Variants in MIPOL1 observed in about 807,000 individuals in gnomAD.
The protein encoded by MIPOL1 is mirror-image polydactyly 1.
A neutral mutation model predicts 60.9 loss-of-function variants in MIPOL1; 57 were observed. The observed-to-expected ratio is 0.94, with a 90% CI of 0.76 to 1.17. The LOEUF (loss-of-function observed/expected upper bound fraction) is 1.17. Among genes scored for constraint, MIPOL1 ranks in the 50% most tolerant of loss-of-function variants. The pLI is 0.00. For missense variants in MIPOL1, 551 were observed against 511.6 expected, an observed-to-expected ratio of 1.08 and a Z score of -0.74; for synonymous variants, 179 against 168.8, an observed-to-expected ratio of 1.06 and a Z score of -0.47.
chr14:37,333,659 C>G (rs2089903319), intron 9 of MIPOL1, among the ~76,000 whole-genome samples: 1 of 152,126 alleles, frequency 6.6e-6, no homozygotes, highest in East Asian at 1.9e-4. Flanking sequence ...TAAAGAGGGA[C>G]ATATCACCAG....
intron 11 of MIPOL1, among the ~76,000 whole-genome samples, chr14:37,434,922 G>A (rs370240669): frequency 6.7e-5 from 10 of 149,872 alleles, no homozygotes; most frequent in Admixed American, 3.3e-4. Context: ...TCTCATTACC[G>A]TAGCCTAGCC....
chr14:37,486,838 C>T (rs1467382765), intron 11 of MIPOL1, among the ~76,000 whole-genome samples: 1 of 152,100 alleles, frequency 6.6e-6, no homozygotes, highest in Non-Finnish European at 1.5e-5. Flanking sequence ...CCTGATTGTC[C>T]TGGCTAGAAC....
chr14:37,545,525 G>C (rs556724367), intron 12 of MIPOL1: 2 of 481,604 alleles, frequency 4.2e-6, no homozygotes, highest in Admixed American at 4.1e-5. Context: ...TTTATGTATA[G>C]TTTGCATTTT....
intron 9 of MIPOL1, among the ~76,000 whole-genome samples, chr14:37,332,974 ATACT>A: frequency 6.6e-6 from 1 of 152,164 alleles, no homozygotes; most frequent in Admixed American, 6.5e-5. Context: ...GATACTTGCA[ATACT>A]TTAGCTCACT....
intron 10 of MIPOL1, among the ~76,000 whole-genome samples, chr14:37,386,551 T>TA (rs929721594): frequency 1.8e-4 from 27 of 148,702 alleles, no homozygotes; most frequent in African/African-American, 2.4e-4. Flanking sequence ...GTCTTCTCCC[T>TA]AAAAAAAAAA....
At chr14:37,276,223 A>G (rs975349868) in intron 6 of MIPOL1, 10 of 151,048 alleles carry the variant, frequency 6.6e-5, no homozygotes, top group African/African-American at 2.4e-4. Context: ...CTCTTTAAAC[A>G]TAGATTTCTT....
intron 1 of MIPOL1, among the ~76,000 whole-genome samples, chr14:37,217,865 A>G (rs917823688): frequency 6.6e-6 from 1 of 152,192 alleles, no homozygotes; most frequent in East Asian, 1.9e-4. Flanking sequence ...CTGTTATTCA[A>G]CATAGTACTG....
chr14:37,396,070 G>GA (rs2093365878), intron 10 of MIPOL1, among the ~76,000 whole-genome samples: 1 of 146,934 alleles, frequency 6.8e-6, no homozygotes, highest in African/African-American at 2.5e-5. Context: ...TGTGTACCTT[G>GA]TTTTTTTTTT....
At chr14:37,387,444 G>A (rs951315770) in intron 10 of MIPOL1, among the ~76,000 whole-genome samples, 4 of 151,828 alleles carry the variant, frequency 2.6e-5, no homozygotes, top group African/African-American at 9.7e-5. Flanking sequence ...TGACTAGGAA[G>A]GAAGTAAAGG....
intron 7 of MIPOL1, among the ~76,000 whole-genome samples, chr14:37,303,550 T>A (rs1027615344): frequency 1.3e-5 from 2 of 151,900 alleles, no homozygotes; most frequent in African/African-American, 4.8e-5. Flanking sequence ...AATTTATACA[T>A]TTATTTGTTA....
chr14:37,523,202 C>T (rs977859736), intron 12 of MIPOL1, among the ~76,000 whole-genome samples: 1 of 151,996 alleles, frequency 6.6e-6, no homozygotes, highest in South Asian at 2.1e-4. Context: ...AATAGCTAGC[C>T]CATCTGTCTG....
At chr14:37,317,820 A>G (rs930783176) in intron 9 of MIPOL1, among the ~76,000 whole-genome samples, 1 of 152,162 alleles carries the variant, frequency 6.6e-6, no homozygotes, top group African/African-American at 2.4e-5. Context: ...GTTGTATAGG[A>G]AAAAATCCCT....
At chr14:37,205,485 T>C (rs1301920714) in intron 1 of MIPOL1, among the ~76,000 whole-genome samples, 1 of 151,990 alleles carries the variant, frequency 6.6e-6, no homozygotes, top group Non-Finnish European at 1.5e-5. Context: ...TTTTTTTTAA[T>C]ACCTTAAGTT....
intron 6 of MIPOL1, among the ~76,000 whole-genome samples, chr14:37,271,160 A>G (rs989098900): frequency 2.6e-5 from 4 of 152,074 alleles, no homozygotes; most frequent in African/African-American, 9.6e-5. Context: ...TTGATATGTT[A>G]TAGATACAAT....
At chr14:37,329,750 C>T (rs1291693085) in intron 9 of MIPOL1, among the ~76,000 whole-genome samples, 1 of 152,130 alleles carries the variant, frequency 6.6e-6, no homozygotes, top group East Asian at 1.9e-4. Context: ...CACTAATACT[C>T]TTTCCTGAAC....
intron 10 of MIPOL1, among the ~76,000 whole-genome samples, chr14:37,403,432 CTTT>C (rs11415779): frequency 1.1e-5 from 1 of 94,116 alleles, no homozygotes; most frequent in Non-Finnish European, 1.9e-5. Context: ...AGGTTTCTAG[CTTT>C]TTTTTTTTTT....
intron 11 of MIPOL1, among the ~76,000 whole-genome samples, chr14:37,436,782 C>A (rs1028992600): frequency 3.9e-5 from 6 of 152,290 alleles, no homozygotes; most frequent in Admixed American, 1.3e-4. Context: ...GGCCCTATCC[C>A]AAAATGATGA....
At position 37,230,465 on chromosome 14, in the gene MIPOL1, T is replaced by C. The variant is rs199920321; in HGVS notation, c.-198-16638T>C. Among the ~76,000 whole-genome samples the C allele has an allele frequency of 4.6e-5, 7 of 152,290 alleles. No homozygotes were observed. The East Asian group carries it at 1.4e-3, about 29-fold the overall frequency. On this transcript the variant is annotated intron_variant, in intron 1 of 12. Coordinates refer to ENST00000684589, the MANE Select transcript of MIPOL1 (RefSeq NM_001388067.1). ...GGTGTTGCTCCATATCTCTATCTTG[T>C]GGAGTAGCTTTGTATATTTTATCAT...
At position 37,393,817 on chromosome 14, in the gene MIPOL1, A is replaced by G. The variant is rs150369289; in HGVS notation, c.936+24193A>G. Among the ~76,000 whole-genome samples, 202 of 150,896 alleles carry G rather than the reference A, an allele frequency of 1.3e-3. 3 individuals are homozygous for G. Among genetic ancestry groups the G allele is most frequent in the African/African-American group, 4.6e-3 (191 of 41,238 alleles). On this transcript the variant is annotated intron_variant, in intron 10 of 12. Coordinates refer to ENST00000684589, the MANE Select transcript of MIPOL1 (RefSeq NM_001388067.1). ...CCATCACCTGAGCAATATACACTGCACCCTGTTTGTAGTCTTTTATCCCTT... is the reference window on the plus strand; with the variant it reads ...CCATCACCTGAGCAATATACACTGCGCCCTGTTTGTAGTCTTTTATCCCTT...
Sources: gnomAD v4.1 joint callset for allele counts (sites outside exome capture counted in the v4.1 genomes callset) on GRCh38, gnomAD v4.1.1 for gene constraint, MANE v1.5 for transcripts, NCBI Gene and HGNC (gene_info 2026-07-23, HGNC 2026-07-21) for gene names.